UGT1A6: variants seen among roughly 807,000 people sequenced by gnomAD.
UGT1A6 encodes the protein UDP glucuronosyltransferase family 1 member A6.
Under a neutral mutation model 44.4 loss-of-function variants are expected in UGT1A6, and 32 were observed. That is an observed-to-expected ratio of 0.72 (90% CI 0.54 to 0.97). The LOEUF (loss-of-function observed/expected upper bound fraction) is 0.97. Ranked by LOEUF, UGT1A6 falls within the 50% of genes least tolerant of loss-of-function variation. The pLI, the probability that UGT1A6 is intolerant of heterozygous loss-of-function variation, is 0.00. For synonymous variants in UGT1A6, 238 were observed against 248.5 expected, an observed-to-expected ratio of 0.96 and a Z score of 0.40; for missense variants, 685 against 661.9, an observed-to-expected ratio of 1.03 and a Z score of -0.38.
chr2:233,727,754 C>T (rs1338679517), intron 1 of UGT1A6, among the ~76,000 whole-genome samples: 2 of 152,210 alleles, frequency 1.3e-5, no homozygotes, highest in African/African-American at 4.8e-5. Context: ...GTGTGCTGCC[C>T]TTGAGCTGGG....
chr2:233,711,404 C>T (rs45498502), intron 1 of UGT1A6, among the ~76,000 whole-genome samples: 3,771 of 152,318 alleles, frequency 0.025, 67 homozygotes, highest in East Asian at 0.044. Flanking sequence ...ACCCTCACCC[C>T]GGGCTCATCA....
At chr2:233,756,974 T>G (rs1036999646) in intron 1 of UGT1A6, among the ~76,000 whole-genome samples, 2 of 151,942 alleles carry the variant, frequency 1.3e-5, no homozygotes, top group African/African-American at 4.8e-5. Flanking sequence ...AAGCACGCAA[T>G]GAACAGTCAT....
At chr2:233,700,033 A>C (rs776085773) in intron 1 of UGT1A6, among the ~76,000 whole-genome samples, 1 of 152,196 alleles carries the variant, frequency 6.6e-6, no homozygotes, top group Non-Finnish European at 1.5e-5. Context: ...AGAAACTCTG[A>C]TCTAAATCAA....
chr2:233,713,981 G>T (rs2076360150), intron 1 of UGT1A6: 1 of 1,588,484 alleles, frequency 6.3e-7, no homozygotes, highest in Non-Finnish European at 8.6e-7. Context: ...GCTTCTCATT[G>T]TTGTAATAGT....
At position 233,693,024 on chromosome 2, in the gene UGT1A6, C is replaced by T. The variant is rs866045701; in HGVS notation, c.20C>T (p.Ser7Leu). Reference protein sequence around the residue: MACLLRSFQRISAGVFF... With the variant: MACLLRLFQRISAGVFF... ...TCCAGGATGGCCTGCCTCCTTCGCTCATTTCAGAGAATTTCTGCAGGGGTT... is the reference window on the plus strand; with the variant it reads ...TCCAGGATGGCCTGCCTCCTTCGCTTATTTCAGAGAATTTCTGCAGGGGTT... Residue 7 changes from serine to leucine, a missense_variant, in exon 1 of 5, where the codon TCA becomes TTA. By Grantham distance (145) the Ser-to-Leu change is moderately radical (BLOSUM62 -2). Transcript: ENST00000305139. 2 of 1,614,158 alleles carry T rather than the reference C, an allele frequency of 1.2e-6. No individual in the cohort carries two copies. Among genetic ancestry groups the T allele is most frequent in the Non-Finnish European group, 1.7e-6 (2 of 1,180,032 alleles).
At chr2:233,749,493 CT>C (rs951030576) in intron 1 of UGT1A6, among the ~76,000 whole-genome samples, 1 of 151,760 alleles carries the variant, frequency 6.6e-6, no homozygotes, top group Non-Finnish European at 1.5e-5. Context: ...TGCTATGCCC[CT>C]TAGAGAATTA....
rs373107890 is a variant in UGT1A6 at position 233,743,700 on chromosome 2, C to T, written c.862-23334C>T. On this transcript the variant is annotated intron_variant, in intron 1 of 4. Transcript: ENST00000305139. ...CTGCCGCCTGTGCAGCCGCCCTCCG[C>T]CCCCGCCTCGCCATAGCGGTCATAG... is the stretch of plus-strand genomic sequence containing the variant. 182 of 1,367,322 alleles carry T rather than the reference C, an allele frequency of 1.3e-4. 1 individual carries two copies. The highest frequency in any genetic ancestry group is 1.8e-4 in the Non-Finnish European group (179 of 1,021,848). 84.7% of individuals were successfully genotyped at this position (1,367,322 alleles called of 1,614,324 possible).
At chr2:233,747,538 C>T in intron 1 of UGT1A6, 1 of 1,604,368 alleles carries the variant, frequency 6.2e-7, no homozygotes, top group Non-Finnish European at 8.5e-7. Flanking sequence ...TTTCTGAAGA[C>T]ATTTTCTAAA....
Position 233,693,101 on chromosome 2 carries a change from C to T in UGT1A6, c.97C>T (p.Pro33Ser), listed in dbSNP as rs1056441481. 6 of 1,613,966 alleles carry T rather than the reference C, an allele frequency of 3.7e-6. No homozygotes were observed. The African/African-American group carries it at 4.0e-5, about 11-fold the overall frequency. ...TGTAGGTGACAAGCTGCTGGTGGTCCCTCAGGACGGAAGCCACTGGCTTAG... is the reference window on the plus strand; with the variant it reads ...TGTAGGTGACAAGCTGCTGGTGGTCTCTCAGGACGGAAGCCACTGGCTTAG... The part of the protein sequence containing the change: ...MVVGDKLLVV[P>S]QDGSHWLSMK... The change falls in exon 1 of 5, where the codon CCT becomes TCT. Residue 33 changes from proline to serine, a missense_variant. Coordinates refer to ENST00000305139, the MANE Select transcript of UGT1A6 (RefSeq NM_001072.4).
At chr2:233,717,518 T>A (rs2076583469) in intron 1 of UGT1A6, among the ~76,000 whole-genome samples, 1 of 152,220 alleles carries the variant, frequency 6.6e-6, no homozygotes, top group Non-Finnish European at 1.5e-5. Context: ...TGGGAGTAAC[T>A]TCCTCCATAA....
chr2:233,719,211 C>T, intron 1 of UGT1A6: 2 of 1,614,194 alleles, frequency 1.2e-6, no homozygotes, highest in Non-Finnish European at 1.7e-6. Flanking sequence ...TTGTGTGGAG[C>T]TACTGCATAA....
chr2:233,747,354 G>T (rs753872482), intron 1 of UGT1A6: 336 of 1,602,388 alleles, frequency 2.1e-4, no homozygotes, highest in Admixed American at 4.5e-4. Context: ...GCGGGAGGCC[G>T]TGCGGGAGCT....
chr2:233,716,022 C>A (rs1245337561), intron 1 of UGT1A6, among the ~76,000 whole-genome samples: 2 of 152,150 alleles, frequency 1.3e-5, no homozygotes, highest in African/African-American at 2.4e-5. Context: ...CTGATAGTTT[C>A]TTTTGATGTC....
chr2:233,708,923 A>C lies in UGT1A6; in HGVS notation c.861+15058A>C, dbSNP rs145112619. 8.8e-3 allele frequency among the ~76,000 whole-genome samples: 1,338 copies of C among 152,224 alleles called. 30 individuals carry two copies. The highest frequency in any genetic ancestry group is 0.03 in the African/African-American group (1,249 of 41,522). ...TCTGGTTAGGTATTGCTTGCTACAG[A>C]GCCAAACTATGTCACCAGAACCCAT... On this transcript the variant is annotated intron_variant, in intron 1 of 4. Transcript: ENST00000305139.
intron 1 of UGT1A6, among the ~76,000 whole-genome samples, chr2:233,740,338 G>A (rs1156245808): frequency 6.6e-6 from 1 of 151,948 alleles, no homozygotes; most frequent in Non-Finnish European, 1.5e-5. Context: ...TGAGAAAGTT[G>A]ATGAGAAAGT....
intron 1 of UGT1A6, among the ~76,000 whole-genome samples, chr2:233,751,262 C>A (rs1474286955): frequency 1.3e-5 from 2 of 151,906 alleles, no homozygotes; most frequent in Non-Finnish European, 2.9e-5. Flanking sequence ...GCCTGTAGCC[C>A]CCTTTTTTTG....
chr2:233,719,682 T>C lies in UGT1A6; in HGVS notation c.861+25817T>C, dbSNP rs2076795429. 1 of 1,613,968 alleles carries C rather than the reference T, an allele frequency of 6.2e-7. No individual in the cohort carries two copies. Among genetic ancestry groups the C allele is most frequent in the Admixed American group, 1.7e-5 (1 of 60,002 alleles). The stretch of plus-strand genomic sequence containing the variant: ...CAACTGTGCCAACGGGAAGCCACTA[T>C]CTCAGGTCTGTATTGGTGCCTTCAT... On this transcript the variant is annotated intron_variant, in intron 1 of 4. Transcript: ENST00000305139.
chr2:233,741,589 G>C (rs1281207965), intron 1 of UGT1A6: 1 of 151,856 alleles, frequency 6.6e-6, no homozygotes, highest in Non-Finnish European at 1.5e-5. Flanking sequence ...GCACCTCGGA[G>C]CATGTTGATT....
intron 1 of UGT1A6, among the ~76,000 whole-genome samples, chr2:233,710,127 C>A (rs1404227374): frequency 6.6e-6 from 1 of 152,186 alleles, no homozygotes; most frequent in Non-Finnish European, 1.5e-5. Flanking sequence ...TTCCGAGTAG[C>A]ATTTCATTGT....
Sources: gnomAD v4.1 joint callset for allele counts (sites outside exome capture counted in the v4.1 genomes callset) on GRCh38, gnomAD v4.1.1 for gene constraint, MANE v1.5 for transcripts, NCBI Gene and HGNC (gene_info 2026-07-23, HGNC 2026-07-21) for gene names.